DYM: variants seen among roughly 807,000 people sequenced by gnomAD.
The protein encoded by DYM is dymeclin.
Under a neutral mutation model 93.1 loss-of-function variants are expected in DYM, and 78 were observed. That is an observed-to-expected ratio of 0.84 (90% CI 0.70 to 1.01). The LOEUF is 1.01. Among genes scored for constraint, DYM ranks in the 50% least tolerant of loss-of-function variants. The probability of loss-of-function intolerance (pLI) is 0.00; values close to 1 mark genes in which losing one functional copy is unlikely to be tolerated. For synonymous variants in DYM, 321 were observed against 319.7 expected (o/e 1.00, Z -0.04); for missense variants, 789 against 845.0 (o/e 0.93, Z 0.82).
chr18:49,271,144 T>C (rs1343716781), intron 11 of DYM, among the ~76,000 whole-genome samples: 1 of 151,874 alleles, frequency 6.6e-6, no homozygotes, highest in African/African-American at 2.4e-5. Flanking sequence ...AAAAAGAAAA[T>C]TCGGTAAGTT....
chr18:49,313,542 C>T (rs1231347439), intron 8 of DYM, among the ~76,000 whole-genome samples: 5 of 147,022 alleles, frequency 3.4e-5, no homozygotes, highest in Non-Finnish European at 6.0e-5. Flanking sequence ...AGACATCACC[C>T]TATATGGTCT....
Position 49,039,831 on chromosome 18 carries a change from G to A in DYM, c.*4224C>T, listed in dbSNP as rs959187758. 1.3e-5 allele frequency among the ~76,000 whole-genome samples: 2 copies of A among 152,122 alleles called. No homozygotes were observed. The highest frequency in any genetic ancestry group is 1.5e-5 in the Non-Finnish European group (1 of 68,030). On this transcript the variant is annotated 3_prime_UTR_variant, in exon 18 of 18. Coordinates refer to ENST00000675505, the MANE Select transcript of DYM (RefSeq NM_001353214.3). ...TAACCATAGCTGTTTTAAATTCTGCGACAACTTTATCTGGAGTCTGTTTGG... is the reference window on the plus strand; with the variant it reads ...TAACCATAGCTGTTTTAAATTCTGCAACAACTTTATCTGGAGTCTGTTTGG...
At chr18:49,162,366 G>A (rs2087263091) in intron 15 of DYM, among the ~76,000 whole-genome samples, 1 of 152,108 alleles carries the variant, frequency 6.6e-6, no homozygotes, top group Non-Finnish European at 1.5e-5. Context: ...TCTTGCTAGT[G>A]GTGACTCTCT....
At chr18:49,391,332 T>G in intron 3 of DYM, 1 of 410,906 alleles carries the variant, frequency 2.4e-6, no homozygotes, top group Non-Finnish European at 4.6e-6. Flanking sequence ...TATTTCAAAA[T>G]TCACAAAAAG....
intron 14 of DYM, among the ~76,000 whole-genome samples, chr18:49,173,029 G>A (rs144369641): frequency 2.0e-5 from 3 of 150,692 alleles, no homozygotes; most frequent in African/African-American, 7.3e-5. Context: ...TTTTTAATTT[G>A]TGCATATAGC....
At chr18:49,149,966 C>T (rs1280547114) in intron 15 of DYM, among the ~76,000 whole-genome samples, 1 of 152,138 alleles carries the variant, frequency 6.6e-6, no homozygotes, top group Non-Finnish European at 1.5e-5. Context: ...CTTGGTCTCC[C>T]AAAGTGCTGG....
At chr18:49,115,808 A>T (rs1036131571) in intron 16 of DYM, among the ~76,000 whole-genome samples, 1 of 152,248 alleles carries the variant, frequency 6.6e-6, no homozygotes, top group African/African-American at 2.4e-5. Context: ...ATTAGACATC[A>T]AGAGTCTCAA....
chr18:49,242,930 G>T (rs1291272591), intron 13 of DYM, among the ~76,000 whole-genome samples: 1 of 152,086 alleles, frequency 6.6e-6, no homozygotes, highest in South Asian at 2.1e-4. Context: ...TCGATCTCCT[G>T]ACCTCGTGAT....
chr18:49,227,887 T>C (rs1272503044), intron 13 of DYM, among the ~76,000 whole-genome samples: 1 of 152,138 alleles, frequency 6.6e-6, no homozygotes, highest in Non-Finnish European at 1.5e-5. Flanking sequence ...AGATACTTCT[T>C]CAATCTCCGT....
intron 16 of DYM, among the ~76,000 whole-genome samples, chr18:49,103,439 A>G (rs991609048): frequency 8.9e-4 from 135 of 152,144 alleles, no homozygotes; most frequent in Non-Finnish European, 1.2e-3. Flanking sequence ...TGTCAATTTT[A>G]GCTTTTGTTG....
intron 1 of DYM, among the ~76,000 whole-genome samples, chr18:49,441,789 G>A (rs1336883126): frequency 1.3e-5 from 2 of 152,098 alleles, no homozygotes; most frequent in African/African-American, 4.8e-5. Context: ...TAAAGAGCGA[G>A]AGACAGGGCA....
chr18:49,141,631 C>T (rs1044799796), intron 15 of DYM, among the ~76,000 whole-genome samples: 1 of 152,168 alleles, frequency 6.6e-6, no homozygotes, highest in East Asian at 1.9e-4. Context: ...TTAAATATCA[C>T]TTTCTCAGAG....
chr18:49,374,609 C>T (rs749188694), intron 5 of DYM, among the ~76,000 whole-genome samples: 9 of 152,302 alleles, frequency 5.9e-5, no homozygotes, highest in African/African-American at 1.9e-4. Context: ...CAGTTTGCTT[C>T]CTGTGCCTCA....
chr18:49,067,156 G>A (rs1365868063), intron 17 of DYM, among the ~76,000 whole-genome samples: 34 of 149,038 alleles, frequency 2.3e-4, no homozygotes, highest in East Asian at 4.0e-4. Context: ...GGGAAGGAGT[G>A]GGGTGATGTG....
intron 13 of DYM, among the ~76,000 whole-genome samples, chr18:49,248,276 T>C (rs2094212493): frequency 6.6e-6 from 1 of 152,184 alleles, no homozygotes; most frequent in Admixed American, 6.6e-5. Context: ...CAAAAATCCA[T>C]TGGGCAGGGA....
intron 14 of DYM, among the ~76,000 whole-genome samples, chr18:49,173,674 C>A (rs2089032768): frequency 2.0e-5 from 3 of 152,016 alleles, no homozygotes; most frequent in African/African-American, 4.8e-5. Context: ...TATATACTGA[C>A]CTTTTTGTGT....
intron 11 of DYM, among the ~76,000 whole-genome samples, chr18:49,269,489 G>T (rs2094636031): frequency 6.6e-6 from 1 of 152,142 alleles, no homozygotes; most frequent in South Asian, 2.1e-4. Flanking sequence ...CACCTATAAA[G>T]ATAGCTGCAC....
rs145693113 is a variant in DYM at position 49,249,782 on chromosome 18, C to G, written c.1460+7228G>C. On this transcript the variant is annotated intron_variant, in intron 13 of 17. Transcript: ENST00000675505. ...TACACGGAAGTTGCACAACCATACA[C>G]TTAAAATCTGAAGTGTATATACTCA... Among the ~76,000 whole-genome samples the G allele has an allele frequency of 3.4e-3, 522 of 152,264 alleles. 3 individuals carry two copies. The highest frequency in any genetic ancestry group is 0.012 in the African/African-American group (485 of 41,544).
chr18:49,215,926 C>T (rs564307710), intron 13 of DYM, among the ~76,000 whole-genome samples: 50 of 152,272 alleles, frequency 3.3e-4, no homozygotes, highest in African/African-American at 1.1e-3. Flanking sequence ...GCGCACCGTG[C>T]GGGAGCCGAA....
Sources: allele counts gnomAD v4.1 joint callset (sites outside exome capture counted in the v4.1 genomes callset), GRCh38; gene constraint gnomAD v4.1.1; transcripts MANE v1.5; gene names NCBI Gene and HGNC (gene_info 2026-07-23, HGNC 2026-07-21).